The following GFPT2 variants were observed in gnomAD, a reference collection of about 807,000 sequenced individuals.
GFPT2 encodes glutamine--fructose-6-phosphate aminotransferase [isomerizing] 2.
A neutral mutation model predicts 85.6 loss-of-function variants in GFPT2; 62 were observed. The ratio of observed to expected loss-of-function variants is 0.72; its 90% CI spans 0.59 to 0.90. The LOEUF (loss-of-function observed/expected upper bound fraction) is 0.90, where lower values mean the gene tolerates loss of function less well. Among genes scored for constraint, GFPT2 ranks in the 40% least tolerant of loss-of-function variants. The probability of loss-of-function intolerance (pLI) is 0.00; values close to 1 mark genes in which losing one functional copy is unlikely to be tolerated. For synonymous variants in GFPT2, 368 were observed against 344.5 expected, an observed-to-expected ratio of 1.07 and a Z score of -0.75; for missense variants, 788 against 893.4, an observed-to-expected ratio of 0.88 and a Z score of 1.50.
At chr5:180,307,434 T>C in intron 15 of GFPT2, 131 bp from the exon 16 acceptor site, 3 of 841,848 alleles carry the variant, frequency 3.6e-6, no homozygotes, top group Non-Finnish European at 5.6e-6. Context: ...CTTCCTCGCA[T>C]TCGTTTCAAA....
intron 1 of GFPT2, 118 bp downstream of exon 1, chr5:180,353,093 G>T: frequency 1.2e-6 from 1 of 853,116 alleles, no homozygotes; most frequent in Non-Finnish European, 1.6e-6. Context: ...GCCCGGGGCA[G>T]ATCGGCGCCC....
At chr5:180,315,306 T>G (rs1183496444) in intron 13 of GFPT2, among the ~76,000 whole-genome samples, 1 of 151,932 alleles carries the variant, frequency 6.6e-6, no homozygotes, top group African/African-American at 2.4e-5. Flanking sequence ...GCCTCCTGAG[T>G]AGCCGGGACT....
chr5:180,303,093 G>A lies in GFPT2; in HGVS notation c.1843-509C>T, dbSNP rs944993786. 1.4e-5 allele frequency among the ~76,000 whole-genome samples: 2 copies of A among 144,246 alleles called. 1 individual carries two copies. Among genetic ancestry groups the A allele is most frequent in the Non-Finnish European group, 3.2e-5 (2 of 63,338 alleles). The allele number at this position is 144,246 out of a possible 152,430, so 94.6% of individuals were successfully genotyped here. A position where few individuals can be genotyped will look rare whatever the true frequency, so the allele number is the denominator to read the frequency against. On this transcript the variant is annotated intron_variant, in intron 17 of 18. Coordinates refer to ENST00000253778, the MANE Select transcript of GFPT2 (RefSeq NM_005110.4). ...AAAATACAAAAAATTAGCCGGGTGT[G>A]GTGGCGGGGGCCTGTAGTCCCAGCT...
At chr5:180,337,844 T>C (rs1764431310) in intron 2 of GFPT2, among the ~76,000 whole-genome samples, 1 of 152,082 alleles carries the variant, frequency 6.6e-6, no homozygotes, top group African/African-American at 2.4e-5. Flanking sequence ...TAAGAGGACT[T>C]AGCATAAGCT....
intron 2 of GFPT2, among the ~76,000 whole-genome samples, chr5:180,337,025 C>T (rs1764416735): frequency 6.6e-6 from 1 of 152,256 alleles, no homozygotes; most frequent in African/African-American, 2.4e-5. Context: ...CCATCGGGCT[C>T]CCCCTTTCTC....
intron 13 of GFPT2, 40 bp downstream of exon 13, chr5:180,316,301 G>C (rs1389750969): frequency 1.2e-6 from 2 of 1,610,338 alleles, no homozygotes; most frequent in Middle Eastern, 1.7e-4. Flanking sequence ...GCCCAGAGCT[G>C]ACCTGATGCA....
rs564469983 is a variant in GFPT2 at position 180,331,760 on chromosome 5, G to T, written c.341-207C>A. On this transcript the variant is annotated intron_variant, in intron 4 of 18. Coordinates refer to ENST00000253778, the MANE Select transcript of GFPT2 (RefSeq NM_005110.4). ...ATTAGCACCAGGGATGTCTAGGGCAGCGGCTACTACAATGGGATCCGGAGG... is the reference window on the plus strand; with the variant it reads ...ATTAGCACCAGGGATGTCTAGGGCATCGGCTACTACAATGGGATCCGGAGG... The T allele has an allele frequency of 1.5e-4, 86 of 592,578 alleles. No individual in the cohort carries two copies. The East Asian group carries it at 2.6e-3, about 18-fold the overall frequency. 36.7% of individuals were successfully genotyped at this position (592,578 alleles called of 1,614,324 possible).
intron 9 of GFPT2, among the ~76,000 whole-genome samples, chr5:180,321,619 A>G (rs1323947357): frequency 6.6e-6 from 1 of 152,254 alleles, no homozygotes; most frequent in Non-Finnish European, 1.5e-5. Context: ...CCGTTGCCCA[A>G]AAGCTGGACA....
intron 1 of GFPT2, among the ~76,000 whole-genome samples, chr5:180,347,540 A>C (rs1023377396): frequency 6.6e-6 from 1 of 152,080 alleles, no homozygotes; most frequent in African/African-American, 2.4e-5. Flanking sequence ...CCGAGAGGAG[A>C]CTGTAGCCTC....
chr5:180,309,696 GCCA>G (rs1763841588), intron 15 of GFPT2, among the ~76,000 whole-genome samples: 1 of 152,152 alleles, frequency 6.6e-6, no homozygotes, highest in African/African-American at 2.4e-5. Flanking sequence ...ACAGGCATGA[GCCA>G]CCACGCCTGG....
intron 6 of GFPT2, among the ~76,000 whole-genome samples, chr5:180,329,654 A>G (rs1554134689): frequency 6.6e-6 from 1 of 152,118 alleles, no homozygotes; most frequent in Non-Finnish European, 1.5e-5. Context: ...TTTAAATCAG[A>G]CTCTGAAAAC....
chr5:180,330,759 T>G lies in GFPT2; in HGVS notation c.475A>C (p.Asn159His), dbSNP rs1432277572. Residue 159 changes from asparagine (N) to histidine (H), a missense_variant, in exon 6 of 19, where the codon AAC becomes CAC. Transcript: ENST00000253778. The surrounding 1 kb of genome is among the most constrained non-coding windows in gnomAD (Gnocchi z 4.4). ...IAKLIKYVFD[N>H]RETEDITFST... Reference sequence around the variant, plus strand: ...AACGTAATGTCCTCAGTTTCTCTGTTGTCGAACACATATTTAATCAGCTTG... The same window carrying G: ...AACGTAATGTCCTCAGTTTCTCTGTGGTCGAACACATATTTAATCAGCTTG... 3.1e-6 allele frequency: 5 copies of G among 1,612,948 alleles called. No homozygotes were observed. In the East Asian group the frequency reaches 1.1e-4, roughly 36 times the overall value.
Position 180,338,588 on chromosome 5 carries a change from T to C in GFPT2, c.20A>G (p.Tyr7Cys). 5 of 1,596,206 alleles carry C rather than the reference T, an allele frequency of 3.1e-6. No individual in the cohort carries two copies. The highest frequency in any genetic ancestry group is 1.3e-5 in the African/African-American group (1 of 74,684). Residue 7 changes from tyrosine to cysteine, a missense_variant, in exon 2 of 19, where the codon TAC (tyrosine) becomes TGC (cysteine). Tyr to Cys is a radical substitution (Grantham distance 194). Coordinates refer to ENST00000253778, the MANE Select transcript of GFPT2 (RefSeq NM_005110.4). ...CGTCCGGGGGACTCTGTAGTTCATG[T>C]AGGCAAAGATTCCTGTTCAAAGAGA... MCGIFA[Y>C]MNYRVPRTRK...
chr5:180,306,822 G>A (rs1382611154), intron 16 of GFPT2, among the ~76,000 whole-genome samples: 1 of 152,200 alleles, frequency 6.6e-6, no homozygotes, highest in African/African-American at 2.4e-5. Context: ...CTGAATGAGG[G>A]TGAATAGCAA....
Position 180,336,461 on chromosome 5 carries a change from C to CA in GFPT2, c.214+17dup. ...CGGCGCTGCAGCGGCTCCTCCCACT[C>CA]AGAGGTCCTCCACTTACTGTAAAGT... On this transcript the variant is annotated intron_variant, in intron 3 of 18. Coordinates refer to ENST00000253778, the MANE Select transcript of GFPT2 (RefSeq NM_005110.4). 7.1e-7 allele frequency: 1 copy of CA among 1,410,782 alleles called. No individual in the cohort carries two copies. Among genetic ancestry groups the CA allele is most frequent in the Non-Finnish European group, 1.0e-6 (1 of 994,184 alleles). 87.4% of individuals were successfully genotyped at this position (1,410,782 alleles called of 1,614,324 possible). A position where few individuals can be genotyped will look rare whatever the true frequency, so the allele number is the denominator to read the frequency against.
intron 7 of GFPT2, among the ~76,000 whole-genome samples, chr5:180,325,188 C>T (rs112522335): frequency 0.017 from 2,592 of 152,300 alleles, 48 homozygotes; most frequent in Admixed American, 0.029. Flanking sequence ...TGTGACCAAC[C>T]CACAAGGTTA....
At chr5:180,337,551 T>C (rs1764425625) in intron 2 of GFPT2, among the ~76,000 whole-genome samples, 1 of 150,354 alleles carries the variant, frequency 6.7e-6, no homozygotes, top group Non-Finnish European at 1.5e-5. Context: ...TATAATTAGG[T>C]AAAAACAAAA....
intron 7 of GFPT2, 56 bp from the exon 8 acceptor site, chr5:180,324,951 T>C: frequency 9.4e-7 from 1 of 1,058,782 alleles, no homozygotes; most frequent in Non-Finnish European, 1.5e-6. Context: ...CAGTGCTGGG[T>C]GTCTGCCCAG....
rs575221670 is a variant in GFPT2, at chr5:180,330,420, C to T, written c.534+280G>A. Among the ~76,000 whole-genome samples the T allele has an allele frequency of 6.6e-6, 1 of 152,332 alleles. No homozygotes were observed. Among genetic ancestry groups the T allele is most frequent in the South Asian group, 2.1e-4 (1 of 4,828 alleles). Reference sequence around the variant, plus strand: ...TGTGCATCATAAAAAGCCACGGACTCTAATGCCAGTCACAATTTCAGAAGT... The same window carrying T: ...TGTGCATCATAAAAAGCCACGGACTTTAATGCCAGTCACAATTTCAGAAGT... On this transcript the variant is annotated intron_variant, in intron 6 of 18. Transcript: ENST00000253778. This position sits in a 1 kb window ranked among gnomAD's most constrained non-coding sequence, Gnocchi z 4.4.
Sources: allele counts gnomAD v4.1 joint callset (sites outside exome capture counted in the v4.1 genomes callset), GRCh38; gene constraint gnomAD v4.1.1; non-coding constraint Gnocchi (gnomAD v3.1); transcripts MANE v1.5; gene names NCBI Gene and HGNC (gene_info 2026-07-23, HGNC 2026-07-21).